Variants in PCDH15 observed in about 807,000 individuals in gnomAD.
PCDH15 encodes the protein protocadherin related 15, also known as protocadherin-15.
In PCDH15, 129 loss-of-function variants were observed where a neutral mutation model predicts 178.5. That is an observed-to-expected ratio of 0.72 (90% CI 0.63 to 0.84). The LOEUF (loss-of-function observed/expected upper bound fraction) is 0.84, where lower values mean the gene tolerates loss of function less well. PCDH15 is among the 40% of genes least tolerant of loss of function. The pLI is 0.00. For synonymous variants in PCDH15, 800 were observed against 732.0 expected (o/e 1.09, Z -1.50); for missense variants, 2,230 against 2,099.9 (o/e 1.06, Z -1.21).
chr10:54,402,019 A>G (rs1279453724), intron 3 of PCDH15, among the ~76,000 whole-genome samples: 1 of 151,910 alleles, frequency 6.6e-6, no homozygotes, highest in African/African-American at 2.4e-5. Flanking sequence ...AAAATAAATC[A>G]AATCCAGCAA....
At chr10:55,313,757 A>T (rs1474959422) in intron 1 of PCDH15, among the ~76,000 whole-genome samples, 2 of 152,216 alleles carry the variant, frequency 1.3e-5, no homozygotes. Context: ...GAATAGAATA[A>T]TGTGCAGTGG....
intron 3 of PCDH15, among the ~76,000 whole-genome samples, chr10:54,436,891 CTCTGT>C (rs2075458636): frequency 6.6e-6 from 1 of 152,070 alleles, no homozygotes; most frequent in South Asian, 2.1e-4. Flanking sequence ...AAATGCACAC[CTCTGT>C]CTCTGCTATA....
chr10:54,818,658 A>G (rs1436748309), intron 3 of PCDH15, among the ~76,000 whole-genome samples: 1 of 152,048 alleles, frequency 6.6e-6, no homozygotes, highest in Non-Finnish European at 1.5e-5. Context: ...CTGAGATTAC[A>G]TGAAGACAAT....
At chr10:54,553,986 CA>C (rs1044101523) in intron 2 of PCDH15, among the ~76,000 whole-genome samples, 26 of 152,146 alleles carry the variant, frequency 1.7e-4, no homozygotes, top group African/African-American at 6.3e-4. Context: ...GACTGTCTTT[CA>C]AAAAGGCATA....
chr10:54,626,318 A>G (rs1445030677), intron 2 of PCDH15, among the ~76,000 whole-genome samples: 3 of 152,182 alleles, frequency 2.0e-5, no homozygotes, highest in African/African-American at 7.2e-5. Flanking sequence ...AAATGTCTCC[A>G]GGGCCTGTCA....
chr10:55,432,141 T>A (rs1838897591), intron 2 of PCDH15, among the ~76,000 whole-genome samples: 2 of 150,608 alleles, frequency 1.3e-5, no homozygotes, highest in South Asian at 4.3e-4. Context: ...TATATGCTCC[T>A]TCAATGACTT....
chr10:54,134,034 CTTTATTTA>C (rs141155149), intron 14 of PCDH15, among the ~76,000 whole-genome samples: 1 of 134,410 alleles, frequency 7.4e-6, no homozygotes, highest in Non-Finnish European at 1.6e-5. Flanking sequence ...GGATGAGAAT[CTTTATTTA>C]TTTATTTATT....
intron 2 of PCDH15, among the ~76,000 whole-genome samples, chr10:55,151,479 A>G (rs115159788): frequency 2.6e-5 from 4 of 152,226 alleles, no homozygotes; most frequent in Non-Finnish European, 4.4e-5. Flanking sequence ...TGATCTAAAA[A>G]TACACAAGAA....
chr10:54,810,010 T>C (rs1591713902), intron 3 of PCDH15, among the ~76,000 whole-genome samples: 1 of 152,272 alleles, frequency 6.6e-6, no homozygotes, highest in East Asian at 1.9e-4. Flanking sequence ...CAGTTTCAAT[T>C]TGATCAAACA....
At chr10:53,940,250 C>T (rs1445651496) in intron 24 of PCDH15, among the ~76,000 whole-genome samples, 20 of 152,014 alleles carry the variant, frequency 1.3e-4, no homozygotes, top group Non-Finnish European at 2.6e-4. Flanking sequence ...AAAATTAATG[C>T]GAAAGATTGA....
At chr10:54,531,485 G>C (rs1425477393) in intron 2 of PCDH15, among the ~76,000 whole-genome samples, 1 of 152,100 alleles carries the variant, frequency 6.6e-6, no homozygotes, top group Non-Finnish European at 1.5e-5. Context: ...ATACTCTGTT[G>C]TCATTGTAGC....
chr10:54,897,675 T>C (rs1219632998), intron 2 of PCDH15, among the ~76,000 whole-genome samples: 1 of 152,188 alleles, frequency 6.6e-6, no homozygotes, highest in Non-Finnish European at 1.5e-5. Context: ...GAAACAAATG[T>C]AATATATGTG....
intron 26 of PCDH15, among the ~76,000 whole-genome samples, chr10:53,872,837 C>G (rs73238502): frequency 0.012 from 1,875 of 152,262 alleles, 31 homozygotes; most frequent in African/African-American, 0.043. Flanking sequence ...AATGTGAGAT[C>G]TCTCAGCTTT....
At chr10:55,615,281 CTTGAA>C (rs894444805) in intron 2 of PCDH15, among the ~76,000 whole-genome samples, 20 of 152,096 alleles carry the variant, frequency 1.3e-4, no homozygotes, top group African/African-American at 3.6e-4. Context: ...GACATCAAAA[CTTGAA>C]TTGAAGCTGT....
chr10:54,634,800 T>A (rs959090061), intron 2 of PCDH15, among the ~76,000 whole-genome samples: 5 of 152,064 alleles, frequency 3.3e-5, no homozygotes, highest in Non-Finnish European at 7.4e-5. Context: ...TAGTTAGGCA[T>A]CTTCACAATT....
intron 2 of PCDH15, among the ~76,000 whole-genome samples, chr10:55,059,683 A>G (rs1370322100): frequency 6.6e-6 from 1 of 152,118 alleles, no homozygotes; most frequent in Non-Finnish European, 1.5e-5. Context: ...TAATTCTGAT[A>G]TTTTCTGACA....
chr10:54,910,654 C>T (rs1321469758), intron 2 of PCDH15, among the ~76,000 whole-genome samples: 1 of 152,104 alleles, frequency 6.6e-6, no homozygotes, highest in Non-Finnish European at 1.5e-5. Flanking sequence ...TACCAAAATT[C>T]TATTGATAAT....
At chr10:55,064,220 T>G (rs1841506781) in intron 2 of PCDH15, among the ~76,000 whole-genome samples, 1 of 152,166 alleles carries the variant, frequency 6.6e-6, no homozygotes, top group African/African-American at 2.4e-5. Flanking sequence ...TACAAGTAAT[T>G]ATCTAGGAGT....
At chr10:54,753,968 C>A (rs918832690) in intron 1 of PCDH15, among the ~76,000 whole-genome samples, 1 of 139,540 alleles carries the variant, frequency 7.2e-6, no homozygotes, top group African/African-American at 2.7e-5. Flanking sequence ...GCCACCACGG[C>A]CGGCTGATTT....
Sources: allele counts gnomAD v4.1 joint callset (sites outside exome capture counted in the v4.1 genomes callset), GRCh38; gene constraint gnomAD v4.1.1; transcripts MANE v1.5; gene names NCBI Gene and HGNC (gene_info 2026-07-23, HGNC 2026-07-21).